BNC2: variants seen among roughly 807,000 people sequenced by gnomAD.
BNC2 encodes zinc finger protein basonuclin-2.
A neutral mutation model predicts 76.3 loss-of-function variants in BNC2; 20 were observed. The observed-to-expected ratio is 0.26, with a 90% CI of 0.18 to 0.38. The LOEUF (loss-of-function observed/expected upper bound fraction) is 0.38. BNC2 is among the 10% of genes least tolerant of loss of function. BNC2 has a pLI of 1.00. For synonymous variants in BNC2, 582 were observed against 514.8 expected (o/e 1.13, Z -1.77); for missense variants, 1,382 against 1,399.8 (o/e 0.99, Z 0.20).
intron 4 of BNC2, among the ~76,000 whole-genome samples, chr9:16,561,539 T>C (rs1819015807): frequency 1.3e-5 from 2 of 150,224 alleles, no homozygotes; most frequent in African/African-American, 2.5e-5. Context: ...ACTGATCCAC[T>C]TGAGAATGGG....
At chr9:16,549,853 A>G (rs1818605424) in intron 5 of BNC2, among the ~76,000 whole-genome samples, 1 of 152,170 alleles carries the variant, frequency 6.6e-6, no homozygotes, top group South Asian at 2.1e-4. Flanking sequence ...TCTATATTAC[A>G]TCAATTCTAC....
intron 1 of BNC2, among the ~76,000 whole-genome samples, chr9:16,819,249 T>G (rs1818256494): frequency 6.6e-6 from 1 of 152,260 alleles, no homozygotes. Context: ...GATTATGGTG[T>G]ATCCATTTCT....
chr9:16,764,357 T>G (rs772038678), intron 1 of BNC2, among the ~76,000 whole-genome samples: 7 of 152,188 alleles, frequency 4.6e-5, no homozygotes, highest in Non-Finnish European at 1.0e-4. Flanking sequence ...TGACCTCAAT[T>G]TCATTTTTAT....
intron 6 of BNC2, among the ~76,000 whole-genome samples, chr9:16,423,721 C>T (rs572110879): frequency 1.6e-4 from 24 of 152,250 alleles, no homozygotes; most frequent in African/African-American, 2.9e-4. Flanking sequence ...ACAAAACAAA[C>T]GGTGATCCTG....
intron 5 of BNC2, among the ~76,000 whole-genome samples, chr9:16,440,759 C>T (rs748481606): frequency 2.8e-4 from 43 of 152,278 alleles, no homozygotes; most frequent in African/African-American, 6.0e-4. Flanking sequence ...TGTCTTCTAG[C>T]GCTTAGTTGC....
chr9:16,474,853 T>G (rs1439463151), intron 5 of BNC2, among the ~76,000 whole-genome samples: 1 of 152,062 alleles, frequency 6.6e-6, no homozygotes, highest in Non-Finnish European at 1.5e-5. Flanking sequence ...AAACCCATGA[T>G]GAACACCACA....
rs1446177709 is a variant in BNC2 at position 16,419,513 on chromosome 9, G to C, written c.2776C>G (p.Pro926Ala). The C allele has an allele frequency of 6.2e-7, 1 of 1,613,982 alleles. No individual in the cohort carries two copies. The highest frequency in any genetic ancestry group is 1.3e-5 in the African/African-American group (1 of 74,898). Residue 926 changes from proline (P) to alanine (A), a missense_variant, in exon 7 of 7, where the codon CCC becomes GCC. Physicochemically the swap from Pro to Ala is conservative, Grantham distance 27 (BLOSUM62 -1). Coordinates refer to ENST00000380672, the MANE Select transcript of BNC2 (RefSeq NM_017637.6). ...FLVKIYGAQH[P>A]MGLDVREDAS... is the part of the protein sequence containing the mutation. ...TCTTCCCTGACATCGAGCCCCATGG[G>C]GTGCTGGGCACCATATATCTTCACC...
intron 1 of BNC2, among the ~76,000 whole-genome samples, chr9:16,838,429 C>A (rs1050746836): frequency 2.6e-5 from 4 of 152,062 alleles, no homozygotes; most frequent in Non-Finnish European, 5.9e-5. Flanking sequence ...GGTGTGGTGG[C>A]GCATGCCTAT....
chr9:16,806,558 A>G (rs1817918604), intron 1 of BNC2, among the ~76,000 whole-genome samples: 1 of 152,120 alleles, frequency 6.6e-6, no homozygotes, highest in South Asian at 2.1e-4. Context: ...GTTGCTTTTT[A>G]TTTTCTAATT....
At position 16,730,104 on chromosome 9, in the gene BNC2, C is replaced by CCA. The variant is rs1824463882; in HGVS notation, c.130-2109_130-2108dup. On this transcript the variant is annotated intron_variant, in intron 2 of 6. Transcript: ENST00000380672. Reference sequence around the variant, plus strand: ...TTTCCCAGGTATCCTACCCAACACCCCACACACACACTAACAACACAAAAA... The same window carrying CCA: ...TTTCCCAGGTATCCTACCCAACACCCCACACACACACACTAACAACACAAAAA... 3.3e-5 allele frequency among the ~76,000 whole-genome samples: 5 copies of CCA among 151,868 alleles called. No individual in the cohort carries two copies. In the South Asian group the frequency reaches 1.0e-3, roughly 32 times the overall value.
intron 5 of BNC2, among the ~76,000 whole-genome samples, chr9:16,478,652 G>T (rs990940588): frequency 1.3e-5 from 2 of 152,112 alleles, no homozygotes; most frequent in Non-Finnish European, 2.9e-5. Context: ...ATTATAAGAG[G>T]AAAGGACCAT....
Position 16,700,201 on chromosome 9 carries a change from A to G in BNC2, c.330+27596T>C, listed in dbSNP as rs114350926. Among the ~76,000 whole-genome samples the G allele has an allele frequency of 5.4e-3, 823 of 152,330 alleles. 13 individuals are homozygous for G. Among genetic ancestry groups the G allele is most frequent in the African/African-American group, 0.019 (783 of 41,572 alleles). On this transcript the variant is annotated intron_variant, in intron 3 of 6. Transcript: ENST00000380672. The stretch of plus-strand genomic sequence containing the variant: ...CTTAGTTTTTTCAGACTCGTTCCAT[A>G]GTAAAATTACTTCATTGCTATGGAT...
At chr9:16,848,781 C>T (rs1437756117) in intron 1 of BNC2, among the ~76,000 whole-genome samples, 1 of 152,190 alleles carries the variant, frequency 6.6e-6, no homozygotes, top group Non-Finnish European at 1.5e-5. Flanking sequence ...TCATAAAATG[C>T]TCTAAAATCC....
intron 1 of BNC2, among the ~76,000 whole-genome samples, chr9:16,747,194 T>C (rs1309512766): frequency 2.0e-5 from 3 of 152,148 alleles, no homozygotes; most frequent in Admixed American, 2.0e-4. Flanking sequence ...ACATAAATAA[T>C]TAATTGTCCT....
In BNC2 at chr9:16,511,818, A is replaced by G. The variant is rs142297781; in HGVS notation, c.669+40712T>C. Among the ~76,000 whole-genome samples, 1,064 of 152,296 alleles carry G rather than the reference A, an allele frequency of 7.0e-3. 11 individuals are homozygous for G. The highest frequency in any genetic ancestry group is 0.024 in the African/African-American group (1,006 of 41,568). The stretch of plus-strand genomic sequence containing the variant: ...AAGCAAAGGTATTTTTTCATGTATC[A>G]TAGAAGTAATACTATTTCACCAAAA... On this transcript the variant is annotated intron_variant, in intron 5 of 6. Coordinates refer to ENST00000380672, the MANE Select transcript of BNC2 (RefSeq NM_017637.6).
At chr9:16,503,741 C>A (rs1390945433) in intron 5 of BNC2, among the ~76,000 whole-genome samples, 1 of 152,190 alleles carries the variant, frequency 6.6e-6, no homozygotes, top group South Asian at 2.1e-4. Flanking sequence ...TTCTTTGTCA[C>A]CAGAATGTTA....
chr9:16,834,844 C>T (rs1168577972), intron 1 of BNC2, among the ~76,000 whole-genome samples: 4 of 151,984 alleles, frequency 2.6e-5, no homozygotes, highest in African/African-American at 7.3e-5. Flanking sequence ...CCCCCATCTC[C>T]GCATATTAGT....
chr9:16,665,416 AAAGG>A (rs1822248685), intron 3 of BNC2, among the ~76,000 whole-genome samples: 3 of 131,002 alleles, frequency 2.3e-5, no homozygotes, highest in Non-Finnish European at 4.8e-5. Flanking sequence ...GAGAGAAAAG[AAAGG>A]AAAGAAAGGA....
intron 1 of BNC2, among the ~76,000 whole-genome samples, chr9:16,767,486 G>C (rs1825729224): frequency 6.6e-6 from 1 of 152,138 alleles, no homozygotes; most frequent in African/African-American, 2.4e-5. Flanking sequence ...TTTTTGTAGA[G>C]CTGAGCCTTT....
Sources: allele counts gnomAD v4.1 joint callset (sites outside exome capture counted in the v4.1 genomes callset), GRCh38; gene constraint gnomAD v4.1.1; transcripts MANE v1.5; gene names NCBI Gene and HGNC (gene_info 2026-07-23, HGNC 2026-07-21).